The following NRXN3 variants were observed in gnomAD, a reference collection of about 807,000 sequenced individuals.
NRXN3 encodes the protein neurexin 3, also known as neurexin III.
Under a neutral mutation model 137.6 loss-of-function variants are expected in NRXN3, and 32 were observed. The ratio of observed to expected loss-of-function variants is 0.23; its 90% CI spans 0.18 to 0.31. The LOEUF (loss-of-function observed/expected upper bound fraction) is 0.31. NRXN3 is among the 10% of genes least tolerant of loss of function. NRXN3 has a pLI of 1.00. For missense variants in NRXN3, 1,574 were observed against 2,062.5 expected, an observed-to-expected ratio of 0.76 and a Z score of 4.59; for synonymous variants, 798 against 784.5, an observed-to-expected ratio of 1.02 and a Z score of -0.29.
chr14:79,605,893 G>A (rs757665420), intron 16 of NRXN3, among the ~76,000 whole-genome samples: 1 of 152,172 alleles, frequency 6.6e-6, no homozygotes, highest in South Asian at 2.1e-4. Context: ...ATGGCCTTTT[G>A]TTACCTGAAA....
At chr14:79,204,117 G>A (rs2066455029) in intron 15 of NRXN3, among the ~76,000 whole-genome samples, 1 of 152,014 alleles carries the variant, frequency 6.6e-6, no homozygotes, top group African/African-American at 2.4e-5. Flanking sequence ...CCACTCACAA[G>A]TAAGATTGCA....
At chr14:79,703,895 C>T (rs1013821287) in intron 19 of NRXN3, among the ~76,000 whole-genome samples, 29 of 152,064 alleles carry the variant, frequency 1.9e-4, no homozygotes, top group African/African-American at 6.8e-4. Context: ...CATAAGGAAA[C>T]CACTTCAACC....
At chr14:79,097,162 A>G (rs778206804) in intron 15 of NRXN3, among the ~76,000 whole-genome samples, 4 of 152,088 alleles carry the variant, frequency 2.6e-5, no homozygotes, top group Non-Finnish European at 4.4e-5. Flanking sequence ...TCTATCACTT[A>G]TCACCTGCAA....
At chr14:78,444,538 A>G (rs189111519) in intron 4 of NRXN3, among the ~76,000 whole-genome samples, 34 of 152,300 alleles carry the variant, frequency 2.2e-4, no homozygotes, top group Admixed American at 2.1e-3. Flanking sequence ...AGTGGAGTTA[A>G]GATGGAACCT....
chr14:79,299,791 T>C (rs895360874), intron 15 of NRXN3, among the ~76,000 whole-genome samples: 2 of 152,046 alleles, frequency 1.3e-5, no homozygotes, highest in African/African-American at 4.8e-5. Context: ...TCAAGAAGTA[T>C]AGGGACTTAA....
intron 14 of NRXN3, among the ~76,000 whole-genome samples, chr14:78,972,021 T>C (rs982084354): frequency 2.0e-5 from 3 of 152,210 alleles, no homozygotes; most frequent in African/African-American, 7.2e-5. Flanking sequence ...AGATGCAAAG[T>C]GTATAATTTA....
At chr14:79,836,664 G>C (rs1446704465) in intron 20 of NRXN3, among the ~76,000 whole-genome samples, 1 of 152,142 alleles carries the variant, frequency 6.6e-6, no homozygotes, top group Non-Finnish European at 1.5e-5. Context: ...GGGTCCCAGA[G>C]AACCTCATGT....
rs1230486920 is a variant in NRXN3, at chr14:79,575,629, C to T, written c.3445-88149C>T. Among the ~76,000 whole-genome samples, 3 of 152,046 alleles carry T rather than the reference C, an allele frequency of 2.0e-5. No homozygotes were observed. In the South Asian group the frequency reaches 6.2e-4, roughly 32 times the overall value. On this transcript the variant is annotated intron_variant, in intron 16 of 20. Coordinates refer to ENST00000335750, the MANE Select transcript of NRXN3 (RefSeq NM_001330195.2). ...AGTTTTTGCCTTAATTTTTTTCTCT[C>T]TAAAGCAGAATTTCCCATCACTTTA...
chr14:79,155,852 T>A (rs1042042649), intron 15 of NRXN3, among the ~76,000 whole-genome samples: 2 of 151,844 alleles, frequency 1.3e-5, no homozygotes, highest in Non-Finnish European at 2.9e-5. Flanking sequence ...TATTTTTTCA[T>A]TATGACTTCA....
At chr14:79,547,761 T>C (rs2097334521) in intron 16 of NRXN3, among the ~76,000 whole-genome samples, 2 of 152,214 alleles carry the variant, frequency 1.3e-5, no homozygotes. Flanking sequence ...AAATTTCCTA[T>C]GCATAGAAGC....
rs1388203348 is a variant in NRXN3, at chr14:78,831,547, A to C, written c.2275+21203A>C. On this transcript the variant is annotated intron_variant, in intron 10 of 20. Coordinates refer to ENST00000335750, the MANE Select transcript of NRXN3 (RefSeq NM_001330195.2). Reference sequence around the variant, plus strand: ...GAGACTCCATGTCAAAAAAAAAAAAAAAAAAAAAAAAAAACAACAACAGAA... The same window carrying C: ...GAGACTCCATGTCAAAAAAAAAAAACAAAAAAAAAAAAAACAACAACAGAA... 9.1e-3 allele frequency among the ~76,000 whole-genome samples: 1,369 copies of C among 150,878 alleles called. 26 individuals are homozygous for C. The highest frequency in any genetic ancestry group is 0.031 in the African/African-American group (1,291 of 41,096).
intron 16 of NRXN3, among the ~76,000 whole-genome samples, chr14:79,624,030 C>T (rs1237620098): frequency 5.3e-5 from 8 of 152,064 alleles, no homozygotes; most frequent in African/African-American, 1.9e-4. Flanking sequence ...GAAGCTTAGC[C>T]TCCCTTCATG....
chr14:78,271,552 G>A lies in NRXN3; in HGVS notation c.710-7093G>A, dbSNP rs550408960. On this transcript the variant is annotated intron_variant, in intron 2 of 20. Transcript: ENST00000335750. ...TGTAACAACCAGATTGCCTCTTCTC[G>A]CAACTGTCAAACCCTGTTTCCTCAA... Among the ~76,000 whole-genome samples, 5 of 151,558 alleles carry A rather than the reference G, an allele frequency of 3.3e-5. No individual in the cohort carries two copies. In the South Asian group the frequency reaches 6.3e-4, roughly 19 times the overall value.
intron 10 of NRXN3, among the ~76,000 whole-genome samples, chr14:78,829,460 T>G (rs1013294461): frequency 6.6e-6 from 1 of 152,258 alleles, no homozygotes; most frequent in East Asian, 1.9e-4. Flanking sequence ...TCTAGTCATT[T>G]GAGCTATAGA....
chr14:79,603,430 A>G (rs1453619404), intron 16 of NRXN3, among the ~76,000 whole-genome samples: 2 of 152,118 alleles, frequency 1.3e-5, no homozygotes, highest in Non-Finnish European at 2.9e-5. Context: ...GCCTTTATCT[A>G]TGTCGTTCCT....
chr14:79,115,325 CAAA>C (rs11426637), intron 15 of NRXN3, among the ~76,000 whole-genome samples: 1 of 131,168 alleles, frequency 7.6e-6, no homozygotes. Flanking sequence ...AACTCTGTCT[CAAA>C]AAAAAAAAAA....
At chr14:78,905,602 T>A (rs999969367) in intron 10 of NRXN3, among the ~76,000 whole-genome samples, 1 of 152,082 alleles carries the variant, frequency 6.6e-6, no homozygotes, top group Non-Finnish European at 1.5e-5. Context: ...GGAGAACTAA[T>A]ACATTTTTCA....
At chr14:79,596,579 G>A (rs543879503) in intron 16 of NRXN3, among the ~76,000 whole-genome samples, 10 of 128,322 alleles carry the variant, frequency 7.8e-5, no homozygotes, top group South Asian at 4.9e-4. Context: ...TTTTGGACAG[G>A]AGCACTCTCT....
At chr14:79,852,234 A>ACAC (rs1555793046) in intron 20 of NRXN3, among the ~76,000 whole-genome samples, 63 of 128,264 alleles carry the variant, frequency 4.9e-4, no homozygotes, top group African/African-American at 1.7e-3. Flanking sequence ...TTCAACTCCC[A>ACAC]ACACACACAC....
Sources: allele counts gnomAD v4.1 joint callset (sites outside exome capture counted in the v4.1 genomes callset), GRCh38; gene constraint gnomAD v4.1.1; transcripts MANE v1.5; gene names NCBI Gene and HGNC (gene_info 2026-07-23, HGNC 2026-07-21).